The following ASIC2 variants were observed in gnomAD, a reference collection of about 807,000 sequenced individuals.
ASIC2 encodes acid sensing ion channel subunit 2.
ASIC2 carries 25 observed loss-of-function variants against 57.3 expected under a neutral mutation model. That is an observed-to-expected ratio of 0.44 (90% CI 0.32 to 0.61). The LOEUF (loss-of-function observed/expected upper bound fraction) is 0.61, where lower values mean the gene tolerates loss of function less well. Among genes scored for constraint, ASIC2 ranks in the 20% least tolerant of loss-of-function variants. The probability of loss-of-function intolerance (pLI) is 0.06; values close to 1 mark genes in which losing one functional copy is unlikely to be tolerated. For synonymous variants in ASIC2, 319 were observed against 307.5 expected, an observed-to-expected ratio of 1.04 and a Z score of -0.39; for missense variants, 641 against 738.1, an observed-to-expected ratio of 0.87 and a Z score of 1.52.
upstream of ASIC2, among the ~76,000 whole-genome samples, chr17:33,296,666 A>AACCACC (rs550647300): frequency 1.3e-5 from 2 of 151,902 alleles, no homozygotes; most frequent in African/African-American, 2.4e-5. Context: ...TCTGGGGTAT[A>AACCACC]ACCACCACCA....
intron 1 of ASIC2, among the ~76,000 whole-genome samples, chr17:33,621,959 A>G (rs72827236): frequency 0.25 from 38,250 of 151,992 alleles, 5,319 homozygotes; most frequent in East Asian, 0.41. Flanking sequence ...GAGGATACAC[A>G]TTAAGCACCT....
At chr17:33,932,439 C>G (rs1008819445) in intron 1 of ASIC2, among the ~76,000 whole-genome samples, 1 of 151,984 alleles carries the variant, frequency 6.6e-6, no homozygotes, top group South Asian at 2.1e-4. Flanking sequence ...CATGGTGGCT[C>G]ATGCCTGTAA....
chr17:33,907,043 G>A (rs1315278298), intron 1 of ASIC2, among the ~76,000 whole-genome samples: 5 of 152,118 alleles, frequency 3.3e-5, no homozygotes, highest in Non-Finnish European at 7.3e-5. Flanking sequence ...CTCTTAACAA[G>A]GGTTGGGTAT....
intron 1 of ASIC2, among the ~76,000 whole-genome samples, chr17:33,759,632 G>T (rs926011867): frequency 2.0e-5 from 3 of 152,208 alleles, no homozygotes; most frequent in African/African-American, 4.8e-5. Flanking sequence ...TGGCAGAATG[G>T]TTTCAGGGGA....
At chr17:33,811,308 C>CA (rs1912413540) in intron 1 of ASIC2, among the ~76,000 whole-genome samples, 1 of 152,220 alleles carries the variant, frequency 6.6e-6, no homozygotes, top group Admixed American at 6.5e-5. Flanking sequence ...AGGCAGACTG[C>CA]AAAGGCTCCC....
intron 1 of ASIC2, among the ~76,000 whole-genome samples, chr17:33,725,321 C>G (rs1909512308): frequency 1.3e-5 from 2 of 152,126 alleles, no homozygotes; most frequent in Admixed American, 1.3e-4. Context: ...GGAAGAAAAG[C>G]CATAATGACA....
intron 1 of ASIC2, among the ~76,000 whole-genome samples, chr17:34,029,393 A>AT (rs1223731410): frequency 2.0e-5 from 3 of 150,840 alleles, no homozygotes; most frequent in African/African-American, 7.4e-5. Context: ...AAAAAAAAAA[A>AT]ATAGTAAAAT....
intron 5 of ASIC2, among the ~76,000 whole-genome samples, chr17:33,025,091 C>A (rs2141900294): frequency 6.6e-6 from 1 of 152,284 alleles, no homozygotes; most frequent in South Asian, 2.1e-4. Context: ...GCCTGCCCTC[C>A]CTCTCTAGTC....
chr17:33,663,721 C>T (rs1039150574), intron 1 of ASIC2, among the ~76,000 whole-genome samples: 1 of 152,156 alleles, frequency 6.6e-6, no homozygotes. Flanking sequence ...AATTTTAAAA[C>T]AAGGGAAAGA....
At chr17:33,506,570 G>A (rs1386038803) in intron 1 of ASIC2, among the ~76,000 whole-genome samples, 1 of 152,130 alleles carries the variant, frequency 6.6e-6, no homozygotes, top group African/African-American at 2.4e-5. Flanking sequence ...CACTAATTAT[G>A]GGGGTGTGTG....
intron 1 of ASIC2, among the ~76,000 whole-genome samples, chr17:33,612,618 T>G (rs966918383): frequency 2.0e-5 from 3 of 152,212 alleles, no homozygotes; most frequent in African/African-American, 7.2e-5. Context: ...TGCTAGCATG[T>G]GCGCAGAAGT....
intron 1 of ASIC2, among the ~76,000 whole-genome samples, chr17:34,029,307 T>C (rs989214629): frequency 4.0e-5 from 6 of 148,582 alleles, no homozygotes; most frequent in Non-Finnish European, 8.9e-5. Context: ...GAAATGTGCC[T>C]GGCACAAAGT....
intron 1 of ASIC2, among the ~76,000 whole-genome samples, chr17:33,991,716 C>T (rs1906004971): frequency 6.6e-6 from 1 of 152,212 alleles, no homozygotes; most frequent in South Asian, 2.1e-4. Context: ...CTGCTAATTT[C>T]ATTAATAACT....
intron 1 of ASIC2, among the ~76,000 whole-genome samples, chr17:33,826,396 A>G (rs1193716009): frequency 6.6e-6 from 1 of 152,172 alleles, no homozygotes; most frequent in African/African-American, 2.4e-5. Flanking sequence ...GTCTGTTTCT[A>G]AAATCAGGGC....
In ASIC2 at chr17:33,209,274, C is replaced by T. The variant is rs565931645; in HGVS notation, c.708+82134G>A. On this transcript the variant is annotated intron_variant, in intron 1 of 9. Coordinates refer to ENST00000225823, the MANE Select transcript of ASIC2 (RefSeq NM_183377.2). ...ATTCTGGTTGCTGGGATATTTAAAA[C>T]TTTATTTATAAGTTGTTCCAGTTTT... is the stretch of plus-strand genomic sequence containing the variant. Among the ~76,000 whole-genome samples the T allele has an allele frequency of 7.2e-5, 11 of 152,306 alleles. No individual in the cohort carries two copies. In the South Asian group the frequency reaches 1.0e-3, roughly 14 times the overall value.
At chr17:33,986,555 A>T (rs943470678) in intron 1 of ASIC2, among the ~76,000 whole-genome samples, 1 of 152,094 alleles carries the variant, frequency 6.6e-6, no homozygotes, top group African/African-American at 2.4e-5. Context: ...TGAATTCCAT[A>T]AGTTTATTAC....
intron 2 of ASIC2, among the ~76,000 whole-genome samples, chr17:33,094,586 T>A (rs1453521229): frequency 6.6e-6 from 1 of 152,114 alleles, no homozygotes; most frequent in African/African-American, 2.4e-5. Context: ...TCACTTAACT[T>A]CTGATAGACA....
At chr17:33,216,059 C>T (rs1907473949) in intron 1 of ASIC2, among the ~76,000 whole-genome samples, 1 of 152,176 alleles carries the variant, frequency 6.6e-6, no homozygotes, top group African/African-American at 2.4e-5. Flanking sequence ...AGGTCTACAG[C>T]ACTTAATCCA....
chr17:34,039,787 G>T, intron 1 of ASIC2: 39 of 1,611,084 alleles, frequency 2.4e-5, no homozygotes, highest in Non-Finnish European at 3.3e-5. Flanking sequence ...ACTATTAAGT[G>T]GTCCCTTACT....
Sources: gnomAD v4.1 joint callset for allele counts (sites outside exome capture counted in the v4.1 genomes callset) on GRCh38, gnomAD v4.1.1 for gene constraint, MANE v1.5 for transcripts, NCBI Gene and HGNC (gene_info 2026-07-23, HGNC 2026-07-21) for gene names.